The following TNNI3K variants were observed in gnomAD, a reference collection of about 807,000 sequenced individuals.
The protein encoded by TNNI3K is serine/threonine-protein kinase TNNI3K.
Under a neutral mutation model 114.5 loss-of-function variants are expected in TNNI3K, and 140 were observed. That is an observed-to-expected ratio of 1.22 (90% CI 1.07 to 1.41). The LOEUF is 1.41. TNNI3K is among the 40% of genes most tolerant of loss of function. The pLI is 0.00. For missense variants in TNNI3K, 1,125 were observed against 1,007.6 expected, an observed-to-expected ratio of 1.12 and a Z score of -1.58; for synonymous variants, 347 against 347.5, an observed-to-expected ratio of 1.00 and a Z score of 0.02.
chr1:74,360,768 A>G (rs1351501400), intron 11 of TNNI3K, among the ~76,000 whole-genome samples: 1 of 152,074 alleles, frequency 6.6e-6, no homozygotes, highest in Admixed American at 6.6e-5. Context: ...CTGACATTCC[A>G]GCCTAGCACA....
intron 21 of TNNI3K, chr1:74,475,717 C>A (rs1387529551): frequency 2.9e-6 from 2 of 696,148 alleles, no homozygotes; most frequent in Non-Finnish European, 5.3e-6. Flanking sequence ...GAAGGTTCTG[C>A]AACAAAGGTT....
intron 20 of TNNI3K, among the ~76,000 whole-genome samples, chr1:74,455,946 A>T (rs1667207107): frequency 6.6e-6 from 1 of 152,238 alleles, no homozygotes; most frequent in South Asian, 2.1e-4. Context: ...AGCCCAGTCA[A>T]GTTGACACAT....
chr1:74,237,684 T>A (rs188960486), intron 2 of TNNI3K, among the ~76,000 whole-genome samples: 11 of 152,124 alleles, frequency 7.2e-5, no homozygotes, highest in Admixed American at 5.9e-4. Flanking sequence ...TTCCTGTGTT[T>A]CTACTAAATG....
At chr1:74,370,414 A>C (rs761545137) in intron 17 of TNNI3K, 22 bp downstream of exon 17, 1 of 1,588,550 alleles carries the variant, frequency 6.3e-7, no homozygotes, top group Admixed American at 1.7e-5. Context: ...CTAAATAATG[A>C]ACTCAGAAGG....
chr1:74,366,326 A>G (rs1033804592), intron 11 of TNNI3K, among the ~76,000 whole-genome samples: 1 of 152,088 alleles, frequency 6.6e-6, no homozygotes, highest in Non-Finnish European at 1.5e-5. Context: ...ACGCATTAAA[A>G]TAGTATTGAA....
chr1:74,521,615 A>T (rs1267294584), intron 23 of TNNI3K, among the ~76,000 whole-genome samples: 1 of 152,110 alleles, frequency 6.6e-6, no homozygotes, highest in Non-Finnish European at 1.5e-5. Flanking sequence ...TTAGCAAATG[A>T]TTGGTAAAGA....
intron 17 of TNNI3K, among the ~76,000 whole-genome samples, chr1:74,403,346 A>AT (rs1414732638): frequency 1.3e-5 from 2 of 152,272 alleles, no homozygotes; most frequent in African/African-American, 4.8e-5. Flanking sequence ...TCTTTAAGTG[A>AT]TTTTAACTTA....
intron 20 of TNNI3K, among the ~76,000 whole-genome samples, chr1:74,451,083 G>A (rs555214320): frequency 3.3e-5 from 5 of 152,270 alleles, no homozygotes; most frequent in Admixed American, 1.3e-4. Context: ...AAAGGAATGA[G>A]ATCATGTCCT....
intron 2 of TNNI3K, among the ~76,000 whole-genome samples, chr1:74,243,324 C>T (rs1654363023): frequency 6.6e-6 from 1 of 152,028 alleles, no homozygotes. Context: ...ATATAGTCTG[C>T]TTCTATTGTT....
At chr1:74,286,682 C>T (rs1468449709) in intron 5 of TNNI3K, among the ~76,000 whole-genome samples, 2 of 151,300 alleles carry the variant, frequency 1.3e-5, no homozygotes, top group Admixed American at 6.6e-5. Context: ...TGAGGACTCC[C>T]GTGGCAAGCC....
At chr1:74,463,841 C>T (rs1161314183) in intron 21 of TNNI3K, among the ~76,000 whole-genome samples, 4 of 152,144 alleles carry the variant, frequency 2.6e-5, no homozygotes, top group Non-Finnish European at 2.9e-5. Context: ...ATTAACTACG[C>T]GTGAGCCACA....
Position 74,286,520 on chromosome 1 carries a change from C to T in TNNI3K, c.444+14812C>T, listed in dbSNP as rs138149281. 9.9e-5 allele frequency among the ~76,000 whole-genome samples: 15 copies of T among 152,158 alleles called. No individual in the cohort carries two copies. The East Asian group carries it at 2.5e-3, about 26-fold the overall frequency. On this transcript the variant is annotated intron_variant, in intron 5 of 24. Coordinates refer to ENST00000326637, the MANE Select transcript of TNNI3K (RefSeq NM_015978.3). ...AAGCCCTCCTACATGAACTCAGGTA[C>T]GAGGCTCATTCATATGGACCCAATG...
intron 21 of TNNI3K, among the ~76,000 whole-genome samples, chr1:74,485,227 G>A (rs979725945): frequency 6.6e-5 from 10 of 152,230 alleles, no homozygotes; most frequent in African/African-American, 2.4e-4. Flanking sequence ...TGTAGCTCTT[G>A]AGTTGGGCCT....
At chr1:74,488,633 C>G (rs3765678) in intron 21 of TNNI3K, among the ~76,000 whole-genome samples, 4,928 of 152,160 alleles carry the variant, frequency 0.032, 199 homozygotes, top group East Asian at 0.15. Context: ...TAACCAAACT[C>G]GTCTGACACA....
chr1:74,519,137 G>T (rs1646395689), intron 23 of TNNI3K, among the ~76,000 whole-genome samples: 1 of 91,968 alleles, frequency 1.1e-5, no homozygotes. Flanking sequence ...GCGGTGTTTG[G>T]TTTTTTGTTC....
chr1:74,303,771 A>G (rs1231860621), intron 5 of TNNI3K, among the ~76,000 whole-genome samples: 2 of 152,144 alleles, frequency 1.3e-5, no homozygotes, highest in African/African-American at 4.8e-5. Flanking sequence ...AATCTTCTGG[A>G]ATGGGTTCAC....
intron 5 of TNNI3K, among the ~76,000 whole-genome samples, chr1:74,313,616 C>A (rs1659120437): frequency 6.6e-6 from 1 of 152,168 alleles, no homozygotes; most frequent in South Asian, 2.1e-4. Flanking sequence ...GGACTCCCAA[C>A]TACTGCATTC....
At chr1:74,463,640 T>C in intron 21 of TNNI3K, 90 bp downstream of exon 21, 1 of 1,440,994 alleles carries the variant, frequency 6.9e-7, no homozygotes, top group Non-Finnish European at 9.7e-7. Context: ...TCAGTGTGTA[T>C]TTTAAGACTG....
intron 23 of TNNI3K, among the ~76,000 whole-genome samples, chr1:74,498,325 G>C (rs1669439856): frequency 2.6e-5 from 4 of 152,096 alleles, no homozygotes; most frequent in Non-Finnish European, 5.9e-5. Flanking sequence ...ATGTCATGAA[G>C]AAGTATTTTC....
Sources: gnomAD v4.1 joint callset for allele counts (sites outside exome capture counted in the v4.1 genomes callset) on GRCh38, gnomAD v4.1.1 for gene constraint, MANE v1.5 for transcripts, NCBI Gene and HGNC (gene_info 2026-07-23, HGNC 2026-07-21) for gene names.